Variants in XNDC1N observed in about 807,000 individuals in gnomAD.
The protein encoded by XNDC1N is XRCC1 N-terminal domain containing 1, N-terminal like, also known as protein XNDC1N.
At chr11:71,921,543 G>A in the XNDC1N span, among the ~76,000 whole-genome samples, 24 of 152,258 alleles carry the variant, frequency 1.6e-4, no homozygotes, top group African/African-American at 5.8e-4. Context: ...CTCCCAAAGT[G>A]TTGGGATTAC....
chr11:71,886,837 A>G, the XNDC1N span, among the ~76,000 whole-genome samples: 2 of 152,050 alleles, frequency 1.3e-5, no homozygotes, highest in African/African-American at 4.8e-5. Context: ...CGATATGCCG[A>G]CCTGTTTGTC....
At chr11:71,916,297 A>G in the XNDC1N span, 1 of 699,496 alleles carries the variant, frequency 1.4e-6, no homozygotes, top group Admixed American at 2.0e-5. Context: ...ATGGAAATGC[A>G]TAAATGGGAG....
chr11:71,892,122 T>C, the XNDC1N span, among the ~76,000 whole-genome samples: 1 of 152,208 alleles, frequency 6.6e-6, no homozygotes, highest in African/African-American at 2.4e-5. Context: ...AAAATATCAC[T>C]CACGGTGTAC....
the XNDC1N span, among the ~76,000 whole-genome samples, chr11:71,890,123 TA>T: frequency 6.6e-6 from 1 of 151,946 alleles, no homozygotes; most frequent in Non-Finnish European, 1.5e-5. Context: ...TCTGGATATT[TA>T]AAACAACACC....
chr11:71,889,341 C>G, the XNDC1N span, among the ~76,000 whole-genome samples: 1 of 152,360 alleles, frequency 6.6e-6, no homozygotes, highest in South Asian at 2.1e-4. Context: ...GGGACACCAG[C>G]GAGCTTCCAC....
At chr11:71,892,663 C>G in the XNDC1N span, among the ~76,000 whole-genome samples, 1 of 151,986 alleles carries the variant, frequency 6.6e-6, no homozygotes, top group Non-Finnish European at 1.5e-5. Flanking sequence ...CTAGGGTTAC[C>G]AGCCACCATG....
At chr11:71,884,148 G>A in the XNDC1N span, among the ~76,000 whole-genome samples, 4,272 of 152,170 alleles carry the variant, frequency 0.028, 71 homozygotes, top group East Asian at 0.08. Flanking sequence ...TTCATTTTAG[G>A]TAGAAATATG....
At chr11:71,919,621 GT>G in the XNDC1N span, among the ~76,000 whole-genome samples, 7 of 27,014 alleles carry the variant, frequency 2.6e-4, no homozygotes, top group African/African-American at 5.3e-4. Flanking sequence ...TTTTTTGTTT[GT>G]TTTTTTTTTT....
chr11:71,919,035 G>C, the XNDC1N span: 1 of 702,414 alleles, frequency 1.4e-6, no homozygotes. Flanking sequence ...TCCTAAGTAA[G>C]AGAGGAGGAG....
the XNDC1N span, among the ~76,000 whole-genome samples, chr11:71,895,114 AT>A: frequency 0.71 from 105,389 of 147,442 alleles, 38,902 homozygotes; most frequent in Non-Finnish European, 0.82. Context: ...GAGTGTGTGG[AT>A]TTTTTTTTTT....
chr11:71,888,477 C>T, the XNDC1N span, among the ~76,000 whole-genome samples: 1 of 152,188 alleles, frequency 6.6e-6, no homozygotes, highest in Non-Finnish European at 1.5e-5. Flanking sequence ...AAAGGAAAAC[C>T]TCTGGCAGCC....
At chr11:71,875,056 C>T in the XNDC1N span, among the ~76,000 whole-genome samples, 3 of 152,066 alleles carry the variant, frequency 2.0e-5, no homozygotes, top group Non-Finnish European at 4.4e-5. Context: ...GAGAAGCCCC[C>T]TGGGACAATC....
At chr11:71,917,571 C>T in the XNDC1N span, 8 of 703,618 alleles carry the variant, frequency 1.1e-5, no homozygotes, top group Non-Finnish European at 1.8e-5. Flanking sequence ...TACTGCATCT[C>T]TGTTTCTCAT....
the XNDC1N span, chr11:71,919,116 C>A: frequency 1.5e-6 from 1 of 667,040 alleles, no homozygotes. Flanking sequence ...AAACCCCAAA[C>A]CTTCCCAGTC....
the XNDC1N span, among the ~76,000 whole-genome samples, chr11:71,897,890 G>A: frequency 6.6e-6 from 1 of 152,244 alleles, no homozygotes; most frequent in East Asian, 1.9e-4. Context: ...CCTTCAAAAG[G>A]CAGGCACTTC....
chr11:71,870,546 T>C, the XNDC1N span, among the ~76,000 whole-genome samples: 1 of 152,170 alleles, frequency 6.6e-6, no homozygotes, highest in African/African-American at 2.4e-5. Context: ...AATTTCATTA[T>C]AATCAAAATA....
chr11:71,924,004 G>A, the XNDC1N span, among the ~76,000 whole-genome samples: 1 of 152,100 alleles, frequency 6.6e-6, no homozygotes, highest in African/African-American at 2.4e-5. Context: ...GTTAATGTTG[G>A]ATTTATATAT....
the XNDC1N span, among the ~76,000 whole-genome samples, chr11:71,877,644 A>C: frequency 2.1e-4 from 32 of 152,334 alleles, no homozygotes; most frequent in East Asian, 5.6e-3. Flanking sequence ...TCTCTAAATA[A>C]AAAATAAATA....
At chr11:71,914,300 A>T in the XNDC1N span, 1 of 456,156 alleles carries the variant, frequency 2.2e-6, no homozygotes, top group Non-Finnish European at 4.4e-6. Context: ...CAGCATCAAC[A>T]TGAATGTGAA....
Sources: gnomAD v4.1 joint callset for allele counts (sites outside exome capture counted in the v4.1 genomes callset) on GRCh38, gnomAD v4.1.1 for gene constraint, MANE v1.5 for transcripts, NCBI Gene and HGNC (gene_info 2026-07-23, HGNC 2026-07-21) for gene names.